The following CLEC1B variants were observed in gnomAD, a reference collection of about 807,000 sequenced individuals.
The protein encoded by CLEC1B is C-type lectin domain family 1 member B, also known as C-type lectin-like receptor 2.
In CLEC1B, 26 loss-of-function variants were observed where a neutral mutation model predicts 26.7. The ratio of observed to expected loss-of-function variants is 0.97; its 90% CI spans 0.71 to 1.35. The LOEUF is 1.35. Ranked by LOEUF, CLEC1B falls within the 40% of genes most tolerant of loss-of-function variation. CLEC1B has a pLI of 0.00. For synonymous variants in CLEC1B, 112 were observed against 96.0 expected (o/e 1.17, Z -0.97); for missense variants, 293 against 282.6 (o/e 1.04, Z -0.26).
At chr12:9,993,763 A>T (rs1007488427) in intron 5 of CLEC1B, among the ~76,000 whole-genome samples, 1 of 152,188 alleles carries the variant, frequency 6.6e-6, no homozygotes, top group African/African-American at 2.4e-5. Flanking sequence ...AAGATAAATC[A>T]TCTAACACAG....
chr12:9,995,411 T>C, intron 4 of CLEC1B, 165 bp from the exon 5 acceptor site: 1 of 652,214 alleles, frequency 1.5e-6, no homozygotes, highest in Non-Finnish European at 2.8e-6. Context: ...ATTTGACTTG[T>C]CTGAGAACTT....
At chr12:10,000,010 C>A (rs1387028743), upstream of CLEC1B, among the ~76,000 whole-genome samples, 1 of 152,194 alleles carries the variant, frequency 6.6e-6, no homozygotes, top group Non-Finnish European at 1.5e-5. Context: ...GTTGTAAGAA[C>A]AGCCATACAA....
chr12:9,995,233 GC>G lies in CLEC1B; in HGVS notation c.451del (p.Ala151ProfsTer5), dbSNP rs750015625. On this transcript the variant is annotated frameshift_variant, in exon 5 of 6. Coordinates refer to ENST00000298527, the MANE Select transcript of CLEC1B (RefSeq NM_016509.4). LOFTEE classifies it high-confidence loss of function. ...GACCCAACGAATTAAATGAGTCCTGGCTTTGATGTACTCCTATTGTAAACAT... is the reference window on the plus strand; with the variant it reads ...GACCCAACGAATTAAATGAGTCCTGGTTTGATGTACTCCTATTGTAAACAT... The part of the protein sequence containing the change: ...DNRNIVEYIK[A>X]RTHLIRWVGL... The G allele has an allele frequency of 6.2e-7, 1 of 1,612,444 alleles. No homozygotes were observed. The highest frequency in any genetic ancestry group is 8.5e-7 in the Non-Finnish European group (1 of 1,178,724).
intron 4 of CLEC1B, among the ~76,000 whole-genome samples, chr12:9,995,918 C>A (rs1051402459): frequency 2.0e-5 from 3 of 152,040 alleles, no homozygotes; most frequent in African/African-American, 7.2e-5. Context: ...TTACTAACTG[C>A]ATAGGTCCAA....
In CLEC1B at chr12:9,993,338, A is replaced by C. The variant is rs12301036; in HGVS notation, c.546-51T>G. 461 of 1,468,896 alleles carry C rather than the reference A, an allele frequency of 3.1e-4. 2 individuals carry two copies. In the African/African-American group the frequency reaches 5.8e-3, roughly 19 times the overall value. 91.0% of individuals were successfully genotyped at this position (1,468,896 alleles called of 1,614,324 possible). ...TCCTTTGAAAACTGAGCAAACAATCAGTAATCAGACTCTGCGTATAGTAGT... is the reference window on the plus strand; with the variant it reads ...TCCTTTGAAAACTGAGCAAACAATCCGTAATCAGACTCTGCGTATAGTAGT... On this transcript the variant is annotated intron_variant, in intron 5 of 5. Coordinates refer to ENST00000298527, the MANE Select transcript of CLEC1B (RefSeq NM_016509.4).
At chr12:9,995,590 AC>A in intron 4 of CLEC1B, 2 of 344,290 alleles carry the variant, frequency 5.8e-6, no homozygotes, top group South Asian at 2.3e-5. Flanking sequence ...GAAAGGAAAT[AC>A]AAAGAAATAC....
intron 3 of CLEC1B, 45 bp from the exon 4 acceptor site, chr12:9,997,045 G>T (rs1865068563): frequency 1.9e-6 from 3 of 1,610,226 alleles, no homozygotes; most frequent in Non-Finnish European, 2.5e-6. Flanking sequence ...TCTAAATTGG[G>T]CTTACATTTT....
At position 9,997,202 on chromosome 12, in the gene CLEC1B, AGAAGC is replaced by A; in HGVS notation, c.236_240del (p.Arg79LeufsTer18). 1 of 1,614,014 alleles carries A rather than the reference AGAAGC, an allele frequency of 6.2e-7. No individual in the cohort carries two copies. On this transcript the variant is annotated frameshift_variant, in exon 3 of 6. Transcript: ENST00000298527. LOFTEE classifies it high-confidence loss of function. Reference sequence around the variant, plus strand: ...TCTGATTGTTTTACCACATATTGACAGAAGCGCTTTGCTAATTGTTGCAGAGTTCC... The same window carrying A: ...TCTGATTGTTTTACCACATATTGACAGCTTTGCTAATTGTTGCAGAGTTCC...
chr12:10,000,463 A>G (rs111549489), upstream of CLEC1B, among the ~76,000 whole-genome samples: 18 of 152,228 alleles, frequency 1.2e-4, no homozygotes, highest in Non-Finnish European at 2.5e-4. Context: ...CAAACTTAGT[A>G]TGATTCAAAT....
Position 9,996,877 on chromosome 12 carries a change from G to C in CLEC1B, c.407C>G (p.Thr136Ser). The C allele has an allele frequency of 1.2e-6, 2 of 1,614,078 alleles. No homozygotes were observed. Among genetic ancestry groups the C allele is most frequent in the Non-Finnish European group, 1.7e-6 (2 of 1,179,960 alleles). ...GTTCCGGTTGTCAATCTTCAGGAGA[G>C]TAGCATTCATGTCAGTGCAGTACTG... is the stretch of plus-strand genomic sequence containing the variant. ...SKQYCTDMNATLLKIDNRNIV... is the reference protein window; with the variant it reads ...SKQYCTDMNASLLKIDNRNIV... Residue 136 changes from threonine (T) to serine (S), a missense_variant, in exon 4 of 6, where the codon ACT (threonine) becomes AGT (serine). By Grantham distance (58) the Thr-to-Ser change is moderately conservative. Coordinates refer to ENST00000298527, the MANE Select transcript of CLEC1B (RefSeq NM_016509.4).
rs753747323 is a variant in CLEC1B at position 9,999,038 on chromosome 12, G to A, written c.63C>T (p.Ser21=). Residue 21 remains serine, a splice_region_variant and synonymous_variant, in exon 1 of 6, where the codon TCC becomes TCT. Coordinates refer to ENST00000298527, the MANE Select transcript of CLEC1B (RefSeq NM_016509.4). The part of the protein sequence containing the change: ...NIKTRKPALI[S]VGSASSSWWR... The stretch of plus-strand genomic sequence containing the variant: ...ATTATTGGCTCTGAGCATTCTTACC[G>A]GAGATGAGAGCTGGTTTCCGAGTTT... 1.5e-5 allele frequency: 24 copies of A among 1,574,228 alleles called. No individual in the cohort carries two copies. Among genetic ancestry groups the A allele is most frequent in the Admixed American group, 3.4e-5 (2 of 59,386 alleles).
chr12:9,995,071 A>C (rs1158980872), intron 5 of CLEC1B, 69 bp downstream of exon 5: 1 of 1,600,400 alleles, frequency 6.2e-7, no homozygotes, highest in Non-Finnish European at 8.5e-7. Context: ...ACTTGGACTG[A>C]GAGAAGAGGG....
upstream of CLEC1B, among the ~76,000 whole-genome samples, chr12:10,000,556 A>T (rs1434619308): frequency 6.6e-6 from 1 of 152,246 alleles, no homozygotes; most frequent in Non-Finnish European, 1.5e-5. Context: ...AAAAATTTTT[A>T]AAAAACATTA....
rs187745125 is a variant in CLEC1B at position 9,997,062 on chromosome 12, A to G, written c.284-62T>C. The stretch of plus-strand genomic sequence containing the variant: ...TAAATTGGGCTTACATTTTCTTCAC[A>G]TTCAATGTTTTCTGCAGATCTCAAA... On this transcript the variant is annotated intron_variant, in intron 3 of 5. Coordinates refer to ENST00000298527, the MANE Select transcript of CLEC1B (RefSeq NM_016509.4). The G allele has an allele frequency of 1.4e-4, 219 of 1,609,752 alleles. No homozygotes were observed. In the African/African-American group the frequency reaches 2.8e-3, roughly 21 times the overall value.
chr12:9,994,653 G>A (rs1347678664), intron 5 of CLEC1B, among the ~76,000 whole-genome samples: 1 of 152,046 alleles, frequency 6.6e-6, no homozygotes, highest in Non-Finnish European at 1.5e-5. Flanking sequence ...GAAATACAAT[G>A]TATCGAATTC....
At chr12:9,995,083 A>C in intron 5 of CLEC1B, 57 bp downstream of exon 5, 1 of 1,603,546 alleles carries the variant, frequency 6.2e-7, no homozygotes, top group Non-Finnish European at 8.5e-7. Flanking sequence ...AGAAGAGGGA[A>C]TCTCAAGAAT....
intron 4 of CLEC1B, 159 bp downstream of exon 4, chr12:9,996,687 T>C: frequency 1.3e-6 from 1 of 760,722 alleles, no homozygotes; most frequent in Non-Finnish European, 2.3e-6. Flanking sequence ...GTGGATTGAA[T>C]ATCTGGGTTC....
chr12:9,998,479 A>G (rs1865105249), intron 1 of CLEC1B, 99 bp from the exon 2 acceptor site: 1 of 763,766 alleles, frequency 1.3e-6, no homozygotes, highest in Non-Finnish European at 2.3e-6. Context: ...AGGGTCCTCC[A>G]AGTAATAGAA....
intron 4 of CLEC1B, among the ~76,000 whole-genome samples, chr12:9,996,498 G>T (rs149004424): frequency 6.6e-6 from 1 of 151,556 alleles, no homozygotes; most frequent in Non-Finnish European, 1.5e-5. Flanking sequence ...TTCCGTATGC[G>T]TCTGAGTCCA....
Sources: gnomAD v4.1 joint callset for allele counts (sites outside exome capture counted in the v4.1 genomes callset) on GRCh38, gnomAD v4.1.1 for gene constraint, MANE v1.5 for transcripts, NCBI Gene and HGNC (gene_info 2026-07-23, HGNC 2026-07-21) for gene names.